FHIT: variants seen among roughly 807,000 people sequenced by gnomAD.
The protein encoded by FHIT is fragile histidine triad diadenosine triphosphatase.
FHIT carries 19 observed loss-of-function variants against 17.9 expected under a neutral mutation model. The ratio of observed to expected loss-of-function variants is 1.06; its 90% confidence interval spans 0.74 to 1.56. FHIT has a LOEUF of 1.56. Among genes scored for constraint, FHIT ranks in the 40% most tolerant of loss-of-function variants. The pLI is 0.00. For missense variants in FHIT, 248 were observed against 189.2 expected (o/e 1.31, Z -1.82); for synonymous variants, 81 against 69.7 (o/e 1.16, Z -0.81).
intron 5 of FHIT, among the ~76,000 whole-genome samples, chr3:60,427,398 T>C (rs1483795305): frequency 6.6e-6 from 1 of 152,120 alleles, no homozygotes; most frequent in East Asian, 1.9e-4. Flanking sequence ...AACTGACACC[T>C]TGATTTCAGC....
At chr3:60,645,631 G>T (rs1398803487) in intron 4 of FHIT, among the ~76,000 whole-genome samples, 4 of 152,100 alleles carry the variant, frequency 2.6e-5, no homozygotes, top group East Asian at 3.9e-4. Flanking sequence ...TTCTATATGA[G>T]GCAGCTGTCT....
intron 8 of FHIT, among the ~76,000 whole-genome samples, chr3:59,753,166 T>C (rs1172416611): frequency 6.6e-6 from 1 of 152,154 alleles, no homozygotes; most frequent in Non-Finnish European, 1.5e-5. Context: ...CTGAGCAGTT[T>C]TGTTCAGTGA....
intron 7 of FHIT, among the ~76,000 whole-genome samples, chr3:59,977,314 G>A (rs530616223): frequency 6.6e-6 from 1 of 152,038 alleles, no homozygotes; most frequent in Non-Finnish European, 1.5e-5. Flanking sequence ...CAAGCTACTT[G>A]GAAGGCTCTC....
chr3:61,184,552 C>G (rs1389226354), intron 2 of FHIT, among the ~76,000 whole-genome samples: 2 of 152,028 alleles, frequency 1.3e-5, no homozygotes, highest in Non-Finnish European at 2.9e-5. Context: ...AACAAATATG[C>G]CAGCAAGGAA....
At chr3:60,305,079 T>C (rs569091014) in intron 5 of FHIT, among the ~76,000 whole-genome samples, 1 of 152,196 alleles carries the variant, frequency 6.6e-6, no homozygotes, top group South Asian at 2.1e-4. Flanking sequence ...ATTCACTTTG[T>C]TTGGATTGGG....
chr3:60,265,855 G>T (rs980110900), intron 5 of FHIT, among the ~76,000 whole-genome samples: 1 of 151,652 alleles, frequency 6.6e-6, no homozygotes, highest in Non-Finnish European at 1.5e-5. Context: ...TCAGAGAAAT[G>T]GTGATCTAAA....
intron 4 of FHIT, among the ~76,000 whole-genome samples, chr3:60,763,728 C>T (rs1217833663): frequency 6.6e-6 from 1 of 152,176 alleles, no homozygotes; most frequent in Non-Finnish European, 1.5e-5. Flanking sequence ...GGGGTATGCA[C>T]ATTGCTCAGC....
chr3:61,167,462 C>T (rs2037872472), intron 2 of FHIT, among the ~76,000 whole-genome samples: 1 of 151,094 alleles, frequency 6.6e-6, no homozygotes, highest in African/African-American at 2.4e-5. Flanking sequence ...CATGGCAAAA[C>T]TCCATCTCTA....
At chr3:59,957,188 G>A (rs1196460078) in intron 7 of FHIT, among the ~76,000 whole-genome samples, 5 of 152,200 alleles carry the variant, frequency 3.3e-5, no homozygotes, top group African/African-American at 1.2e-4. Flanking sequence ...AAAGAGGAAA[G>A]TAAGTTAAAG....
At chr3:59,875,593 T>C (rs555866356) in intron 8 of FHIT, among the ~76,000 whole-genome samples, 58 of 152,378 alleles carry the variant, frequency 3.8e-4, no homozygotes, top group East Asian at 3.3e-3. Flanking sequence ...CATCTAGATA[T>C]CTTTGCTTAC....
chr3:61,002,604 C>T (rs896487184), intron 3 of FHIT, among the ~76,000 whole-genome samples: 4 of 152,190 alleles, frequency 2.6e-5, no homozygotes, highest in African/African-American at 9.6e-5. Flanking sequence ...AACATCTCCC[C>T]ATTCCCTCTC....
At chr3:60,660,955 GC>G (rs1383707404) in intron 4 of FHIT, among the ~76,000 whole-genome samples, 1 of 151,716 alleles carries the variant, frequency 6.6e-6, no homozygotes, top group Non-Finnish European at 1.5e-5. Flanking sequence ...CTTTCACAAA[GC>G]AAAAGTTTTA....
At chr3:60,895,021 T>C (rs565913309) in intron 3 of FHIT, among the ~76,000 whole-genome samples, 3 of 152,352 alleles carry the variant, frequency 2.0e-5, no homozygotes, top group East Asian at 1.9e-4. Context: ...TTTACTTTTC[T>C]TCAATCCCGA....
intron 4 of FHIT, among the ~76,000 whole-genome samples, chr3:60,752,639 G>T (rs1440501417): frequency 2.0e-5 from 3 of 152,172 alleles, no homozygotes; most frequent in African/African-American, 7.2e-5. Flanking sequence ...CCTTCAGACA[G>T]CAAATGCTGC....
At chr3:61,194,208 G>A (rs1010408383) in intron 2 of FHIT, among the ~76,000 whole-genome samples, 1 of 152,138 alleles carries the variant, frequency 6.6e-6, no homozygotes, top group Non-Finnish European at 1.5e-5. Flanking sequence ...ATGGCTTGCT[G>A]TGGGGAAGAG....
intron 2 of FHIT, among the ~76,000 whole-genome samples, chr3:61,044,384 T>C (rs1357688228): frequency 1.3e-5 from 2 of 152,152 alleles, no homozygotes; most frequent in Non-Finnish European, 2.9e-5. Flanking sequence ...AGGGTATCAC[T>C]GATTGAAGAC....
chr3:61,145,508 C>T (rs1273580152), intron 2 of FHIT, among the ~76,000 whole-genome samples: 1 of 151,904 alleles, frequency 6.6e-6, no homozygotes. Flanking sequence ...TGGATATTTG[C>T]AGTTCCACAT....
chr3:60,760,336 G>A (rs920914805), intron 4 of FHIT, among the ~76,000 whole-genome samples: 2 of 152,192 alleles, frequency 1.3e-5, no homozygotes, highest in African/African-American at 4.8e-5. Context: ...GAGAGCATGT[G>A]GAGGTTTCCT....
chr3:60,609,132 A>C (rs1214654064), intron 4 of FHIT, among the ~76,000 whole-genome samples: 2 of 152,038 alleles, frequency 1.3e-5, no homozygotes, highest in African/African-American at 4.8e-5. Flanking sequence ...GGATTGATGC[A>C]TGACTCCTGT....
Sources: gnomAD v4.1 joint callset for allele counts (sites outside exome capture counted in the v4.1 genomes callset) on GRCh38, gnomAD v4.1.1 for gene constraint, MANE v1.5 for transcripts, NCBI Gene and HGNC (gene_info 2026-07-23, HGNC 2026-07-21) for gene names.